The following CEP89 variants were observed in gnomAD, a reference collection of about 807,000 sequenced individuals.
CEP89 encodes centrosomal protein 89, also known as centrosomal protein of 89 kDa.
Under a neutral mutation model 97.6 loss-of-function variants are expected in CEP89, and 95 were observed. The ratio of observed to expected loss-of-function variants is 0.97; its 90% CI spans 0.82 to 1.15. The LOEUF (loss-of-function observed/expected upper bound fraction) is 1.15. Among genes scored for constraint, CEP89 ranks in the 50% most tolerant of loss-of-function variants. The pLI, the probability that CEP89 is intolerant of heterozygous loss-of-function variation, is 0.00. For synonymous variants in CEP89, 354 were observed against 349.1 expected (o/e 1.01, Z -0.16); for missense variants, 869 against 947.7 (o/e 0.92, Z 1.09).
intron 1 of CEP89, among the ~76,000 whole-genome samples, chr19:32,967,968 T>C (rs1971319364): frequency 6.6e-6 from 1 of 151,990 alleles, no homozygotes; most frequent in African/African-American, 2.4e-5. Context: ...GAATGTTAGG[T>C]AGTGGTCAGC....
rs377240737 is a variant in CEP89, at chr19:32,932,515, A to C, written c.886+936T>G. Among the ~76,000 whole-genome samples the C allele has an allele frequency of 1.1e-3, 174 of 152,302 alleles. 1 individual carries two copies. Among genetic ancestry groups the C allele is most frequent in the African/African-American group, 3.9e-3 (163 of 41,574 alleles). ...TACCAAGAGTGTAAGTCATAAAAGAAAAACATTTTATTGATTTAGCCCAAT... is the reference window on the plus strand; with the variant it reads ...TACCAAGAGTGTAAGTCATAAAAGACAAACATTTTATTGATTTAGCCCAAT... On this transcript the variant is annotated intron_variant, in intron 8 of 18. Coordinates refer to ENST00000305768, the MANE Select transcript of CEP89 (RefSeq NM_032816.5).
intron 1 of CEP89, 94 bp from the exon 2 acceptor site, chr19:32,966,560 T>G (rs2145977854): frequency 3.3e-6 from 2 of 601,474 alleles, no homozygotes; most frequent in Non-Finnish European, 5.3e-6. Flanking sequence ...AGGGGACACC[T>G]GCACTGGCCA....
At chr19:32,970,066 C>T (rs1436620706) in intron 1 of CEP89, 2 of 152,302 alleles carry the variant, frequency 1.3e-5, no homozygotes, top group African/African-American at 4.8e-5. Flanking sequence ...AGTCCCTGTG[C>T]TTCAGCACTC....
intron 7 of CEP89, 24 bp from the exon 8 acceptor site, chr19:32,933,693 T>C: frequency 1.4e-6 from 2 of 1,422,032 alleles, no homozygotes; most frequent in Non-Finnish European, 2.0e-6. Context: ...GGGGAAAATT[T>C]TACAATGTTA....
rs16967656 is a variant in CEP89 at position 32,955,333 on chromosome 19, A to G, written c.306-1532T>C. Among the ~76,000 whole-genome samples, 430 of 152,216 alleles carry G rather than the reference A, an allele frequency of 2.8e-3. 3 individuals are homozygous for G. The highest frequency in any genetic ancestry group is 9.7e-3 in the African/African-American group (402 of 41,524). ...TGAGTTTTTATAGTCAACATTTTAA[A>G]AGGTAGGAATCCACTAGATATACCA... On this transcript the variant is annotated intron_variant, in intron 3 of 18. Transcript: ENST00000305768.
At chr19:32,957,541 G>C (rs1319521319) in intron 3 of CEP89, among the ~76,000 whole-genome samples, 1 of 152,148 alleles carries the variant, frequency 6.6e-6, no homozygotes, top group Non-Finnish European at 1.5e-5. Context: ...TGGGCACAGT[G>C]GTTCATGCCT....
chr19:32,965,748 G>C (rs2145976730), intron 2 of CEP89, among the ~76,000 whole-genome samples: 1 of 151,334 alleles, frequency 6.6e-6, no homozygotes. Flanking sequence ...GGGTGCGGAG[G>C]TTGATGCCTG....
At chr19:32,891,501 C>T (rs1043533074) in intron 16 of CEP89, among the ~76,000 whole-genome samples, 1 of 152,164 alleles carries the variant, frequency 6.6e-6, no homozygotes, top group Admixed American at 6.5e-5. Flanking sequence ...AATTCTCCAA[C>T]AGCAGATTCC....
chr19:32,879,987 G>A lies in CEP89; in HGVS notation c.2136-609C>T, dbSNP rs568235413. ...AGAAGATTGGCCTGGCCCATGTGCC[G>A]GGATGGGGAGGCCCTGAGGGGCCGA... On this transcript the variant is annotated intron_variant, in intron 18 of 18. Transcript: ENST00000305768. Among the ~76,000 whole-genome samples the A allele has an allele frequency of 1.0e-3, 152 of 152,322 alleles. 1 individual carries two copies. The highest frequency in any genetic ancestry group is 2.9e-3 in the African/African-American group (120 of 41,576).
chr19:32,901,160 A>C, intron 15 of CEP89, 85 bp downstream of exon 15: 1 of 1,313,170 alleles, frequency 7.6e-7, no homozygotes, highest in Non-Finnish European at 1.1e-6. Context: ...TGCTGGGATT[A>C]CAGGAGTGAG....
At chr19:32,913,982 G>A (rs1970068132) in intron 14 of CEP89, among the ~76,000 whole-genome samples, 1 of 152,044 alleles carries the variant, frequency 6.6e-6, no homozygotes, top group Non-Finnish European at 1.5e-5. Flanking sequence ...TTTTCTATGT[G>A]CTGTTTTAAA....
intron 1 of CEP89, among the ~76,000 whole-genome samples, chr19:32,966,814 C>T (rs1366013312): frequency 1.3e-5 from 2 of 152,160 alleles, no homozygotes; most frequent in Non-Finnish European, 2.9e-5. Context: ...AGGGCGACTT[C>T]CTGAGAAGCA....
Position 32,901,331 on chromosome 19 carries a change from C to A in CEP89, c.1647G>T (p.Lys549Asn). 6.2e-7 allele frequency: 1 copy of A among 1,614,186 alleles called. No individual in the cohort carries two copies. Among genetic ancestry groups the A allele is most frequent in the South Asian group, 1.1e-5 (1 of 91,084 alleles). ...MEKLTVLQAQKKSLLLEKNSL... is the reference protein window; with the variant it reads ...MEKLTVLQAQNKSLLLEKNSL... ...TGTTCTTCTCTAACAGCAGGCTCTT[C>A]TTCTGCGCTTGCAGGACTGTCAGCT... The change falls in exon 15 of 19, where the codon AAG becomes AAT. Residue 549 changes from lysine to asparagine, a missense_variant. Lys to Asn is a moderately conservative substitution (Grantham distance 94, BLOSUM62 0). Transcript: ENST00000305768.
intron 17 of CEP89, among the ~76,000 whole-genome samples, chr19:32,882,628 G>C (rs148628294): frequency 6.6e-6 from 1 of 151,356 alleles, no homozygotes; most frequent in Non-Finnish European, 1.5e-5. Context: ...ATCTACAACT[G>C]TATTTTTTCC....
intron 6 of CEP89, among the ~76,000 whole-genome samples, chr19:32,939,064 T>A (rs1970633991): frequency 6.6e-6 from 1 of 151,682 alleles, no homozygotes; most frequent in African/African-American, 2.4e-5. Flanking sequence ...CTGGGCAACA[T>A]AACAAGACCC....
intron 4 of CEP89, among the ~76,000 whole-genome samples, chr19:32,948,800 C>T (rs1370456234): frequency 2.6e-5 from 4 of 152,188 alleles, no homozygotes; most frequent in Non-Finnish European, 4.4e-5. Context: ...TCACAGCTCA[C>T]TGCAGCCTTG....
At chr19:32,906,100 T>C (rs1233710750) in intron 14 of CEP89, among the ~76,000 whole-genome samples, 1 of 152,230 alleles carries the variant, frequency 6.6e-6, no homozygotes, top group Non-Finnish European at 1.5e-5. Flanking sequence ...TCCTTATGCT[T>C]GGGACATATA....
At chr19:32,928,444 T>G (rs1267727271) in intron 9 of CEP89, among the ~76,000 whole-genome samples, 1 of 152,006 alleles carries the variant, frequency 6.6e-6, no homozygotes, top group Non-Finnish European at 1.5e-5. Context: ...TGAGGCTTGT[T>G]TTTTCACCCT....
At chr19:32,968,844 G>A (rs2145980864) in intron 1 of CEP89, 1 of 152,426 alleles carries the variant, frequency 6.6e-6, no homozygotes, top group Middle Eastern at 3.4e-3. Context: ...CGGAACCTCT[G>A]TGGCCACAGT....
Sources: gnomAD v4.1 joint callset for allele counts (sites outside exome capture counted in the v4.1 genomes callset) on GRCh38, gnomAD v4.1.1 for gene constraint, MANE v1.5 for transcripts, NCBI Gene and HGNC (gene_info 2026-07-23, HGNC 2026-07-21) for gene names.